The following CLINT1 variants were observed in gnomAD, a reference collection of about 807,000 sequenced individuals.
The protein encoded by CLINT1 is clathrin interactor 1, also known as clathrin interacting protein localized in the trans-Golgi region.
In CLINT1, 15 loss-of-function variants were observed where a neutral mutation model predicts 70.4. That is an observed-to-expected ratio of 0.21 (90% CI 0.14 to 0.33). The LOEUF (loss-of-function observed/expected upper bound fraction) is 0.33, where lower values mean the gene tolerates loss of function less well. Among genes scored for constraint, CLINT1 ranks in the 10% least tolerant of loss-of-function variants. The pLI, the probability that CLINT1 is intolerant of heterozygous loss-of-function variation, is 1.00. For missense variants in CLINT1, 615 were observed against 778.1 expected, an observed-to-expected ratio of 0.79 and a Z score of 2.49; for synonymous variants, 227 against 254.7, an observed-to-expected ratio of 0.89 and a Z score of 1.04.
intron 10 of CLINT1, 64 bp from the exon 11 acceptor site, chr5:157,789,577 AG>A: frequency 6.2e-7 from 1 of 1,608,702 alleles, no homozygotes; most frequent in Non-Finnish European, 8.5e-7. Flanking sequence ...GCTGGAAAAT[AG>A]AAAAATGCTC....
chr5:157,826,584 T>A (rs1763047838), intron 1 of CLINT1, among the ~76,000 whole-genome samples: 1 of 151,650 alleles, frequency 6.6e-6, no homozygotes, highest in Non-Finnish European at 1.5e-5. Context: ...AGCTAAGCTG[T>A]GAGGTGGATG....
At chr5:157,793,744 A>C (rs1034136453) in intron 9 of CLINT1, among the ~76,000 whole-genome samples, 21 of 152,214 alleles carry the variant, frequency 1.4e-4, no homozygotes, top group African/African-American at 5.1e-4. Context: ...CAACAATTCT[A>C]GTTTCTGGGA....
chr5:157,787,472 GCC>G lies in CLINT1; in HGVS notation c.*172_*173del, dbSNP rs1341472347. 20 of 633,574 alleles carry G rather than the reference GCC, an allele frequency of 3.2e-5. No individual in the cohort carries two copies. The highest frequency in any genetic ancestry group is 5.2e-5 in the Non-Finnish European group (19 of 368,280). The allele number at this position is 633,574 out of a possible 1,614,324, so 39.2% of individuals were successfully genotyped here. On this transcript the variant is annotated 3_prime_UTR_variant, in exon 12 of 12. Transcript: ENST00000411809. ...GCCTCATCTGAAGTGCTCTTGCCTGGCCCTCTGAAATACTGGATATTTCACTT... is the reference window on the plus strand; with the variant it reads ...GCCTCATCTGAAGTGCTCTTGCCTGGCTCTGAAATACTGGATATTTCACTT...
At chr5:157,788,722 C>T (rs1761802818) in intron 11 of CLINT1, among the ~76,000 whole-genome samples, 1 of 151,984 alleles carries the variant, frequency 6.6e-6, no homozygotes, top group South Asian at 2.1e-4. Context: ...AATCCCAGCA[C>T]TTTGGGAGGC....
At chr5:157,796,675 C>T (rs1278219230) in intron 8 of CLINT1, among the ~76,000 whole-genome samples, 1 of 152,196 alleles carries the variant, frequency 6.6e-6, no homozygotes, top group Admixed American at 6.5e-5. Flanking sequence ...CGCTGAAAGA[C>T]ATTCTGCCCC....
intron 5 of CLINT1, among the ~76,000 whole-genome samples, chr5:157,812,581 G>A (rs1413771666): frequency 6.6e-6 from 1 of 152,164 alleles, no homozygotes; most frequent in African/African-American, 2.4e-5. Flanking sequence ...ATATGTCAAA[G>A]TATGCAATGC....
chr5:157,800,042 T>TAA (rs778811597), intron 8 of CLINT1, among the ~76,000 whole-genome samples: 2 of 152,170 alleles, frequency 1.3e-5, no homozygotes, highest in Admixed American at 1.3e-4. Context: ...GTACTTTATG[T>TAA]AAAAGCAACT....
intron 1 of CLINT1, among the ~76,000 whole-genome samples, chr5:157,820,125 G>A (rs1298646613): frequency 2.0e-5 from 3 of 151,930 alleles, no homozygotes; most frequent in African/African-American, 4.9e-5. Flanking sequence ...ATAACAGAAC[G>A]CTTACACAAA....
chr5:157,794,371 T>A (rs1055546520), intron 9 of CLINT1, among the ~76,000 whole-genome samples: 6 of 152,318 alleles, frequency 3.9e-5, no homozygotes, highest in African/African-American at 1.4e-4. Flanking sequence ...TGTTTTAAAA[T>A]TCTATTCTAA....
At position 157,826,515 on chromosome 5, in the gene CLINT1, A is replaced by ATT. The variant is rs149117429; in HGVS notation, c.42-8970_42-8969dup. 2.8e-3 allele frequency among the ~76,000 whole-genome samples: 421 copies of ATT among 148,264 alleles called. 2 individuals carry two copies. The highest frequency in any genetic ancestry group is 6.8e-3 in the African/African-American group (275 of 40,440). ...CAGCACAAGAGGCTGGCTTTCAGTCATTTTTTTTTTTTTAATACAGAAATA... is the reference window on the plus strand; with the variant it reads ...CAGCACAAGAGGCTGGCTTTCAGTCATTTTTTTTTTTTTTTAATACAGAAATA... On this transcript the variant is annotated intron_variant, in intron 1 of 11. Transcript: ENST00000411809.
At position 157,791,834 on chromosome 5, in the gene CLINT1, C is replaced by G. The variant is rs750386491; in HGVS notation, c.1249G>C (p.Ala417Pro). ...SQSALGPPPAASNSSDLFDLM... is the reference protein window; with the variant it reads ...SQSALGPPPAPSNSSDLFDLM... ...TCAAACAGGTCTGAAGAATTTGAGGCAGCAGGAGGTGGGCCTAGAGCTGAT... is the reference window on the plus strand; with the variant it reads ...TCAAACAGGTCTGAAGAATTTGAGGGAGCAGGAGGTGGGCCTAGAGCTGAT... The change falls in exon 10 of 12, where the codon GCC becomes CCC. Residue 417 changes from alanine (A) to proline (P), a missense_variant. By Grantham distance (27) the Ala-to-Pro change is conservative. Transcript: ENST00000411809. The G allele has an allele frequency of 1.2e-6, 2 of 1,613,962 alleles. No homozygotes were observed.
intron 9 of CLINT1, 44 bp from the exon 10 acceptor site, chr5:157,792,039 C>T: frequency 2.0e-6 from 3 of 1,532,660 alleles, no homozygotes; most frequent in Non-Finnish European, 2.7e-6. Context: ...TCATGGAATG[C>T]ACAGAACAAA....
chr5:157,835,910 C>G (rs181135938), intron 1 of CLINT1, among the ~76,000 whole-genome samples: 1 of 152,166 alleles, frequency 6.6e-6, no homozygotes, highest in South Asian at 2.1e-4. Flanking sequence ...AAACATACTT[C>G]AAAAACATGA....
chr5:157,828,927 TAAAAAAAAA>T (rs11379662), intron 1 of CLINT1, among the ~76,000 whole-genome samples: 1 of 103,366 alleles, frequency 9.7e-6, no homozygotes, highest in African/African-American at 3.9e-5. Context: ...TGTCTCTACT[TAAAAAAAAA>T]AAAAAAAAAA....
rs1362915558 is a variant in CLINT1, at chr5:157,786,105, CAGGTCAGG to C, written c.*1533_*1540del. The C allele has an allele frequency of 6.6e-6, 1 of 152,122 alleles. No individual in the cohort carries two copies. The highest frequency in any genetic ancestry group is 1.5e-5 in the Non-Finnish European group (1 of 68,008). 9.4% of individuals were successfully genotyped at this position (152,122 alleles called of 1,614,324 possible). A position where few individuals can be genotyped will look rare whatever the true frequency, so the allele number is the denominator to read the frequency against. On this transcript the variant is annotated 3_prime_UTR_variant, in exon 12 of 12. Transcript: ENST00000411809. ...AGATGGAACATTAGCAAGAATGGAGCAGGTCAGGATATCTTTGCTGCTTCATTTTTAAT... is the reference window on the plus strand; with the variant it reads ...AGATGGAACATTAGCAAGAATGGAGCATATCTTTGCTGCTTCATTTTTAAT...
At chr5:157,788,985 A>G (rs894463017) in intron 11 of CLINT1, among the ~76,000 whole-genome samples, 13 of 149,784 alleles carry the variant, frequency 8.7e-5, no homozygotes, top group East Asian at 3.9e-4. Flanking sequence ...AAAAAAAAAA[A>G]AAAAGAAAAC....
intron 1 of CLINT1, among the ~76,000 whole-genome samples, chr5:157,847,379 T>C (rs1028076531): frequency 1.1e-4 from 17 of 151,834 alleles, no homozygotes; most frequent in Admixed American, 9.8e-4. Context: ...GGCGTGGTGG[T>C]GGGCGCCTGT....
chr5:157,808,364 C>T (rs3097836), intron 6 of CLINT1, among the ~76,000 whole-genome samples: 28,047 of 151,812 alleles, frequency 0.18, 3,353 homozygotes, highest in East Asian at 0.58. Flanking sequence ...GGATTTTTGG[C>T]GCAGGGTAAA....
chr5:157,839,442 A>C (rs937004006), intron 1 of CLINT1, among the ~76,000 whole-genome samples: 9 of 151,936 alleles, frequency 5.9e-5, no homozygotes, highest in African/African-American at 2.2e-4. Flanking sequence ...CTCTACTAAA[A>C]ATACAAAAAT....
Sources: allele counts gnomAD v4.1 joint callset (sites outside exome capture counted in the v4.1 genomes callset), GRCh38; gene constraint gnomAD v4.1.1; transcripts MANE v1.5; gene names NCBI Gene and HGNC (gene_info 2026-07-23, HGNC 2026-07-21).